Variants in FZD5 observed in about 807,000 individuals in gnomAD.
FZD5 encodes the protein frizzled-5.
Under a neutral mutation model 40.8 loss-of-function variants are expected in FZD5, and 12 were observed. The ratio of observed to expected loss-of-function variants is 0.29; its 90% CI spans 0.19 to 0.48. FZD5 has a LOEUF of 0.48. FZD5 is among the 20% of genes least tolerant of loss of function. The pLI is 0.99. For synonymous variants in FZD5, 380 were observed against 383.7 expected (o/e 0.99, Z 0.11); for missense variants, 622 against 832.8 (o/e 0.75, Z 3.12).
At position 207,768,544 on chromosome 2, in the gene FZD5, C is replaced by G. The variant is rs769512339; in HGVS notation, c.196G>C (p.Glu66Gln). 4.3e-6 allele frequency: 7 copies of G among 1,613,996 alleles called. No homozygotes were observed. The highest frequency in any genetic ancestry group is 3.4e-6 in the Non-Finnish European group (4 of 1,179,888). ...NHDTQDEAGLEVHQFWPLVEI... is the reference protein window; with the variant it reads ...NHDTQDEAGLQVHQFWPLVEI... ...ACCAGCGGCCAGAACTGGTGCACCT[C>G]CAGGCCCGCCTCGTCCTGCGTGTCG... The change falls in exon 2 of 2, where the codon GAG (glutamate) becomes CAG (glutamine). Residue 66 changes from glutamate to glutamine, a missense_variant. By Grantham distance (29) the Glu-to-Gln change is conservative. This residue lies in a region of FZD5 where 144 missense variants were observed against 214.2 expected (regional missense o/e 0.67). Coordinates refer to ENST00000295417, the MANE Select transcript of FZD5 (RefSeq NM_003468.4).
chr2:207,768,026 C>A lies in FZD5; in HGVS notation c.714G>T (p.Trp238Cys). The A allele has an allele frequency of 6.2e-7, 1 of 1,611,230 alleles. No homozygotes were observed. The highest frequency in any genetic ancestry group is 8.5e-7 in the Non-Finnish European group (1 of 1,178,708). ...AGCACAGCACCGACCACAGGCCTAT[C>A]CAGAAGGTGGCGAACGTGCGCTCGT... The part of the protein sequence containing the change: ...SADERTFATF[W>C]IGLWSVLCFI... The change falls in exon 2 of 2, where the codon TGG becomes TGT. Residue 238 changes from tryptophan (W) to cysteine (C), a missense_variant. Trp to Cys is a radical substitution (Grantham distance 215). This residue lies in a region of FZD5 where 208 missense variants were observed against 348.9 expected (regional missense o/e 0.60). Coordinates refer to ENST00000295417, the MANE Select transcript of FZD5 (RefSeq NM_003468.4).
In FZD5 at chr2:207,766,264, C is replaced by T. The variant is rs1404965406; in HGVS notation, c.*718G>A. On this transcript the variant is annotated 3_prime_UTR_variant, in exon 2 of 2. Coordinates refer to ENST00000295417, the MANE Select transcript of FZD5 (RefSeq NM_003468.4). ...TACCTCTAACTTATTCAAGACACAA[C>T]GATGGTGCTGTTAGGAGTGAGAATT... 1.3e-5 allele frequency: 2 copies of T among 152,142 alleles called. No individual in the cohort carries two copies. The highest frequency in any genetic ancestry group is 4.8e-5 in the African/African-American group (2 of 41,412). 9.4% of individuals were successfully genotyped at this position (152,142 alleles called of 1,614,324 possible). A position where few individuals can be genotyped will look rare whatever the true frequency, so the allele number is the denominator to read the frequency against.
In FZD5 at chr2:207,768,920, C is replaced by G. The variant is rs2091996827; in HGVS notation, c.-181G>C. On this transcript the variant is annotated 5_prime_UTR_variant, in exon 2 of 2. Coordinates refer to ENST00000295417, the MANE Select transcript of FZD5 (RefSeq NM_003468.4). ...AACTGCTTCGGGAAGGCGCTGCCTC[C>G]GCTGGCAGCGCTCCGCTCCTCGCCG... 1 of 601,360 alleles carries G rather than the reference C, an allele frequency of 1.7e-6. No homozygotes were observed. Among genetic ancestry groups the G allele is most frequent in the East Asian group, 3.0e-5 (1 of 33,640 alleles). 37.3% of individuals were successfully genotyped at this position (601,360 alleles called of 1,614,324 possible).
Position 207,762,809 on chromosome 2 carries a change from A to T in FZD5, c.*4173T>A, listed in dbSNP as rs1189702197. ...ACAAATTAAGTATCTTGAGACTAACATAACCACATACAACTGCTGTTTCTA... is the reference window on the plus strand; with the variant it reads ...ACAAATTAAGTATCTTGAGACTAACTTAACCACATACAACTGCTGTTTCTA... On this transcript the variant is annotated 3_prime_UTR_variant, in exon 2 of 2. Coordinates refer to ENST00000295417, the MANE Select transcript of FZD5 (RefSeq NM_003468.4). The T allele has an allele frequency of 3.3e-5, 5 of 152,782 alleles. No individual in the cohort carries two copies. The highest frequency in any genetic ancestry group is 1.2e-4 in the African/African-American group (5 of 41,580). The allele number at this position is 152,782 out of a possible 1,614,324, so 9.5% of individuals were successfully genotyped here.
Position 207,767,720 on chromosome 2 carries a change from C to G in FZD5, c.1020G>C (p.Trp340Cys). The G allele has an allele frequency of 6.2e-7, 1 of 1,614,116 alleles. No individual in the cohort carries two copies. Among genetic ancestry groups the G allele is most frequent in the South Asian group, 1.1e-5 (1 of 91,068 alleles). The change falls in exon 2 of 2, where the codon TGG becomes TGC. Residue 340 changes from tryptophan to cysteine, a missense_variant. This residue lies in a region of FZD5 where 208 missense variants were observed against 348.9 expected (regional missense o/e 0.60). Transcript: ENST00000295417. ...SIWWVILSLT[W>C]FLAAGMKWGN... ...CCCACTTCATGCCGGCGGCCAGGAA[C>G]CAGGTGAGCGACAGGATGACCCACC...
At position 207,763,752 on chromosome 2, in the gene FZD5, A is replaced by C. The variant is rs1299061721; in HGVS notation, c.*3230T>G. The C allele has an allele frequency of 6.6e-6, 1 of 152,670 alleles. No homozygotes were observed. Among genetic ancestry groups the C allele is most frequent in the Non-Finnish European group, 1.5e-5 (1 of 68,074 alleles). 9.5% of individuals were successfully genotyped at this position (152,670 alleles called of 1,614,324 possible). On this transcript the variant is annotated 3_prime_UTR_variant, in exon 2 of 2. Transcript: ENST00000295417. Reference sequence around the variant, plus strand: ...AGTGCAGGTCACGGATGCTGTTATTAAGGTTTGGTGTGTGATCCATGAGGT... The same window carrying C: ...AGTGCAGGTCACGGATGCTGTTATTCAGGTTTGGTGTGTGATCCATGAGGT...
chr2:207,768,933 C>A lies in FZD5; in HGVS notation c.-194G>T. ...AGGCGCTGCCTCCGCTGGCAGCGCT[C>A]CGCTCCTCGCCGGATAGGGCTGGGG... On this transcript the variant is annotated 5_prime_UTR_variant, in exon 2 of 2. Transcript: ENST00000295417. 1 of 597,538 alleles carries A rather than the reference C, an allele frequency of 1.7e-6. No homozygotes were observed. Among genetic ancestry groups the A allele is most frequent in the South Asian group, 2.1e-5 (1 of 48,160 alleles). The allele number at this position is 597,538 out of a possible 1,614,324, so 37.0% of individuals were successfully genotyped here.
At position 207,768,599 on chromosome 2, in the gene FZD5, G is replaced by A. The variant is rs760733422; in HGVS notation, c.141C>T (p.Asn47=). 1.1e-5 allele frequency: 17 copies of A among 1,613,712 alleles called. No individual in the cohort carries two copies. The highest frequency in any genetic ancestry group is 9.3e-6 in the Non-Finnish European group (11 of 1,179,852). The change falls in exon 2 of 2, where the codon AAC becomes AAT. Residue 47 remains asparagine, a synonymous_variant. Transcript: ENST00000295417. The part of the protein sequence containing the change: ...TVPMCRGIGY[N]LTHMPNQFNH... ...TGAACTGGTTGGGCATGTGCGTCAG[G>A]TTGTAGCCGATGCCGCGGCACATGG...
chr2:207,768,786 C>G lies in FZD5; in HGVS notation c.-47G>C. The G allele has an allele frequency of 1.4e-6, 2 of 1,405,956 alleles. No homozygotes were observed. Among genetic ancestry groups the G allele is most frequent in the Non-Finnish European group, 1.9e-6 (2 of 1,050,694 alleles). 87.1% of individuals were successfully genotyped at this position (1,405,956 alleles called of 1,614,324 possible). A position where few individuals can be genotyped will look rare whatever the true frequency, so the allele number is the denominator to read the frequency against. On this transcript the variant is annotated 5_prime_UTR_variant, in exon 2 of 2. Transcript: ENST00000295417. ...TCCAGCAGCCCGCGAGGGACGCACA[C>G]AGGCAGAGGAATCCGGGCCGGGGCT...
At position 207,768,482 on chromosome 2, in the gene FZD5, T is replaced by A. The variant is rs766603419; in HGVS notation, c.258A>T (p.Leu86=). ...GACAGATGGGCGTGTACATAGAGCA[T>A]AGGAAGAAGCGCAGGTCCGGCGAGC... The part of the protein sequence containing the change: ...IQCSPDLRFF[L]CSMYTPICLP... Residue 86 remains leucine (L), a synonymous_variant, in exon 2 of 2, where the codon CTA becomes CTT. Transcript: ENST00000295417. 5 of 1,613,522 alleles carry A rather than the reference T, an allele frequency of 3.1e-6. No individual in the cohort carries two copies. The highest frequency in any genetic ancestry group is 4.2e-6 in the Non-Finnish European group (5 of 1,179,852).
In FZD5 at chr2:207,765,251, T is replaced by C. The variant is rs1421055042; in HGVS notation, c.*1731A>G. ...TTACAAATGCCTACACTCAAGTTGT[T>C]TTCCTAGACAGGATTTTCTCAAATG... On this transcript the variant is annotated 3_prime_UTR_variant, in exon 2 of 2. Transcript: ENST00000295417. 1 of 152,224 alleles carries C rather than the reference T, an allele frequency of 6.6e-6. No individual in the cohort carries two copies. The highest frequency in any genetic ancestry group is 1.5e-5 in the Non-Finnish European group (1 of 68,046). The allele number at this position is 152,224 out of a possible 1,614,324, so 9.4% of individuals were successfully genotyped here.
Position 207,763,902 on chromosome 2 carries a change from A to G in FZD5, c.*3080T>C, listed in dbSNP as rs1180869970. Reference sequence around the variant, plus strand: ...TAAGCTTGTACATGCCCACAATTACACACAACACACACATGGGCCTTGGTC... The same window carrying G: ...TAAGCTTGTACATGCCCACAATTACGCACAACACACACATGGGCCTTGGTC... On this transcript the variant is annotated 3_prime_UTR_variant, in exon 2 of 2. Coordinates refer to ENST00000295417, the MANE Select transcript of FZD5 (RefSeq NM_003468.4). The G allele has an allele frequency of 7.2e-5, 11 of 152,668 alleles. No homozygotes were observed. Among genetic ancestry groups the G allele is most frequent in the Admixed American group, 7.2e-4 (11 of 15,284 alleles). The allele number at this position is 152,668 out of a possible 1,614,324, so 9.5% of individuals were successfully genotyped here.
Position 207,767,363 on chromosome 2 carries a change from G to A in FZD5, c.1377C>T (p.Val459=), listed in dbSNP as rs1372986588. ...AGCAGGCCACCACAATGCTGGCGGG[G>A]ACCGTGTAGAGCAGCGTGAAGATGC... ...RIGIFTLLYT[V]PASIVVACYL... The change falls in exon 2 of 2, where the codon GTC becomes GTT. Residue 459 remains valine, a synonymous_variant. Coordinates refer to ENST00000295417, the MANE Select transcript of FZD5 (RefSeq NM_003468.4). The A allele has an allele frequency of 1.9e-6, 3 of 1,612,420 alleles. No individual in the cohort carries two copies. Among genetic ancestry groups the A allele is most frequent in the African/African-American group, 2.7e-5 (2 of 74,944 alleles).
Position 207,765,513 on chromosome 2 carries a change from G to C in FZD5, c.*1469C>G, listed in dbSNP as rs1325017497. 6.6e-6 allele frequency: 1 copy of C among 152,258 alleles called. No individual in the cohort carries two copies. The highest frequency in any genetic ancestry group is 1.5e-5 in the Non-Finnish European group (1 of 68,048). 9.4% of individuals were successfully genotyped at this position (152,258 alleles called of 1,614,324 possible). A position where few individuals can be genotyped will look rare whatever the true frequency, so the allele number is the denominator to read the frequency against. ...AATGAAGGAATAGTTAAACAGATTA[G>C]TAAAGCAAACCAAATTCTCTAATTG... On this transcript the variant is annotated 3_prime_UTR_variant, in exon 2 of 2. Transcript: ENST00000295417.
Position 207,767,083 on chromosome 2 carries a change from C to T in FZD5, c.1657G>A (p.Ala553Thr), listed in dbSNP as rs752016971. ...RGHKSGGAMA[A>T]GDYPEASAAL... ...GCGCTCGCCTCGGGGTAGTCCCCTG[C>T]GGCCATGGCGCCCCCGCTCTTGTGG... Residue 553 changes from alanine (A) to threonine (T), a missense_variant, in exon 2 of 2, where the codon GCA becomes ACA. Around this residue, in one of 4 missense-constraint regions of FZD5, gnomAD observed 154 missense variants for 152.1 expected, o/e 1.01. Coordinates refer to ENST00000295417, the MANE Select transcript of FZD5 (RefSeq NM_003468.4). 4 of 1,591,294 alleles carry T rather than the reference C, an allele frequency of 2.5e-6. No individual in the cohort carries two copies. Among genetic ancestry groups the T allele is most frequent in the Non-Finnish European group, 3.4e-6 (4 of 1,170,392 alleles).
rs1199662085 is a variant in FZD5, at chr2:207,767,014, A to G, written c.1726T>C (p.Tyr576His). ...RTGPPGPAAT[Y>H]HKQVSLSHV Reference sequence around the variant, plus strand: ...TGCGACAGGGACACCTGCTTGTGGTAGGTGGCGGCGGGGCCCGGCGGCCCG... The same window carrying G: ...TGCGACAGGGACACCTGCTTGTGGTGGGTGGCGGCGGGGCCCGGCGGCCCG... The change falls in exon 2 of 2, where the codon TAC becomes CAC. Residue 576 changes from tyrosine (Y) to histidine (H), a missense_variant. Transcript: ENST00000295417. The G allele has an allele frequency of 6.7e-7, 1 of 1,482,982 alleles. No individual in the cohort carries two copies. Among genetic ancestry groups the G allele is most frequent in the East Asian group, 2.6e-5 (1 of 38,852 alleles). 91.9% of individuals were successfully genotyped at this position (1,482,982 alleles called of 1,614,324 possible). A position where few individuals can be genotyped will look rare whatever the true frequency, so the allele number is the denominator to read the frequency against.
Position 207,767,172 on chromosome 2 carries a change from G to A in FZD5, c.1568C>T (p.Ser523Leu). The change falls in exon 2 of 2, where the codon TCG becomes TTG. Residue 523 changes from serine (S) to leucine (L), a missense_variant. Physicochemically the swap from Ser to Leu is moderately radical, Grantham distance 145 (BLOSUM62 -2). Around this residue, in one of 4 missense-constraint regions of FZD5, gnomAD observed 154 missense variants for 152.1 expected, o/e 1.01. Transcript: ENST00000295417. ...CCGCCACGACTCCACCGTCTTGCCC[G>A]ACCAGATCCAGACGCCCGACGTGAT... ...VGITSGVWIW[S>L]GKTVESWRRF... 6.3e-7 allele frequency: 1 copy of A among 1,592,176 alleles called. No homozygotes were observed. Among genetic ancestry groups the A allele is most frequent in the Non-Finnish European group, 8.5e-7 (1 of 1,170,568 alleles).
At position 207,768,260 on chromosome 2, in the gene FZD5, G is replaced by T; in HGVS notation, c.480C>A (p.Pro160=). The part of the protein sequence containing the change: ...YNRSEATTAP[P]RPFPAKPTLP... ...GGGTGGGCTTGGCTGGGAAAGGCCT[G>T]GGGGGCGCCGTGGTGGCCTCGCTGC... Residue 160 remains proline, a synonymous_variant, in exon 2 of 2, where the codon CCC becomes CCA. Coordinates refer to ENST00000295417, the MANE Select transcript of FZD5 (RefSeq NM_003468.4). 1 of 1,546,848 alleles carries T rather than the reference G, an allele frequency of 6.5e-7. No individual in the cohort carries two copies. Among genetic ancestry groups the T allele is most frequent in the East Asian group, 2.4e-5 (1 of 41,414 alleles).
In FZD5 at chr2:207,767,648, C is replaced by G; in HGVS notation, c.1092G>C (p.Ala364=). Residue 364 remains alanine, a synonymous_variant, in exon 2 of 2, where the codon GCG becomes GCC. Coordinates refer to ENST00000295417, the MANE Select transcript of FZD5 (RefSeq NM_003468.4). ...AGYAQYFHLA[A]WLIPSVKSIT... is the part of the protein sequence containing the mutation. The stretch of plus-strand genomic sequence containing the variant: ...TGGACTTGACGCTGGGGATGAGCCA[C>G]GCAGCCAGGTGGAAGTACTGCGCGT... The G allele has an allele frequency of 6.2e-7, 1 of 1,613,118 alleles. No homozygotes were observed. The highest frequency in any genetic ancestry group is 8.5e-7 in the Non-Finnish European group (1 of 1,179,648).
Sources: allele counts gnomAD v4.1 joint callset, GRCh38; gene constraint gnomAD v4.1.1; regional missense constraint gnomAD v4.1.1; transcripts MANE v1.5; gene names NCBI Gene and HGNC (gene_info 2026-07-23, HGNC 2026-07-21).